SLC41A2: variants seen among roughly 807,000 people sequenced by gnomAD.
SLC41A2 encodes SLC41A1-like 1.
A neutral mutation model predicts 58.3 loss-of-function variants in SLC41A2; 32 were observed. The observed-to-expected ratio is 0.55, with a 90% CI of 0.41 to 0.74. SLC41A2 has a LOEUF of 0.74. Among genes scored for constraint, SLC41A2 ranks in the 30% least tolerant of loss-of-function variants. The probability of loss-of-function intolerance (pLI) is 0.00; values close to 1 mark genes in which losing one functional copy is unlikely to be tolerated. For synonymous variants in SLC41A2, 190 were observed against 235.0 expected (o/e 0.81, Z 1.75); for missense variants, 514 against 680.6 (o/e 0.76, Z 2.72).
intron 4 of SLC41A2, among the ~76,000 whole-genome samples, chr12:104,892,311 T>A (rs998538432): frequency 0.019 from 2,193 of 117,868 alleles, 129 homozygotes; most frequent in African/African-American, 0.062. Flanking sequence ...AAAAATAAAA[T>A]AAAATAAAAT....
At chr12:104,953,393 AAAC>A (rs1173893659) in intron 1 of SLC41A2, among the ~76,000 whole-genome samples, 2 of 152,238 alleles carry the variant, frequency 1.3e-5, no homozygotes, top group Non-Finnish European at 2.9e-5. Context: ...AAGTAGGAGA[AAAC>A]AAGATTAAAG....
chr12:104,848,896 CCACACACACACA>C (rs3039361), intron 8 of SLC41A2, among the ~76,000 whole-genome samples: 1 of 147,092 alleles, frequency 6.8e-6, no homozygotes, highest in Admixed American at 6.8e-5. Context: ...AACTTGATAA[CCACACACACACA>C]CACACACACA....
intron 1 of SLC41A2, among the ~76,000 whole-genome samples, chr12:104,940,476 A>G (rs2047464202): frequency 6.6e-6 from 1 of 151,586 alleles, no homozygotes; most frequent in Non-Finnish European, 1.5e-5. Flanking sequence ...GTGCACATGT[A>G]CCCTAAAATT....
chr12:104,944,001 T>C (rs1213370102), intron 1 of SLC41A2, among the ~76,000 whole-genome samples: 2 of 152,086 alleles, frequency 1.3e-5, no homozygotes, highest in African/African-American at 2.4e-5. Context: ...CCCCTCCCTT[T>C]GTATGGGAGC....
At chr12:104,824,372 A>G (rs1397095734) in intron 10 of SLC41A2, among the ~76,000 whole-genome samples, 2 of 152,160 alleles carry the variant, frequency 1.3e-5, no homozygotes, top group African/African-American at 4.8e-5. Context: ...GCATGCAAGC[A>G]GGCCATCCAC....
intron 5 of SLC41A2, 52 bp from the exon 6 acceptor site, chr12:104,886,491 A>G: frequency 1.9e-6 from 3 of 1,570,632 alleles, no homozygotes; most frequent in Non-Finnish European, 8.7e-7. Flanking sequence ...AAGAAAATCA[A>G]TCCCCCAAAT....
At chr12:104,849,862 G>T (rs933115515) in intron 8 of SLC41A2, among the ~76,000 whole-genome samples, 3 of 152,206 alleles carry the variant, frequency 2.0e-5, no homozygotes, top group African/African-American at 7.2e-5. Flanking sequence ...AAATAAAGTT[G>T]TTGATATGCA....
chr12:104,843,455 T>C (rs2042487787), intron 10 of SLC41A2, among the ~76,000 whole-genome samples: 1 of 152,064 alleles, frequency 6.6e-6, no homozygotes, highest in Non-Finnish European at 1.5e-5. Flanking sequence ...TTCCCTTGCA[T>C]TTAAGGCCTT....
At chr12:104,945,185 T>C (rs2047665001) in intron 1 of SLC41A2, among the ~76,000 whole-genome samples, 2 of 140,994 alleles carry the variant, frequency 1.4e-5, no homozygotes, top group African/African-American at 5.3e-5. Flanking sequence ...CAAAAAATAA[T>C]AAAAATAAAA....
At chr12:104,835,702 A>T (rs1460345713) in intron 10 of SLC41A2, among the ~76,000 whole-genome samples, 5 of 152,156 alleles carry the variant, frequency 3.3e-5, no homozygotes, top group Non-Finnish European at 7.4e-5. Flanking sequence ...TTCGGTATGG[A>T]TCCTGTGGAA....
rs370473334 is a variant in SLC41A2 at position 104,852,973 on chromosome 12, CTAAAGA to C, written c.1256-7005_1256-7000del. On this transcript the variant is annotated intron_variant, in intron 8 of 10. Transcript: ENST00000258538. ...CACTATTAAAGCCAGTGGAGAGCAT[CTAAAGA>C]TAGTCTCACACAAATTAAAAACATT... Among the ~76,000 whole-genome samples, 732 of 152,230 alleles carry C rather than the reference CTAAAGA, an allele frequency of 4.8e-3. 9 individuals carry two copies. The highest frequency in any genetic ancestry group is 0.017 in the African/African-American group (691 of 41,542).
Position 104,928,155 on chromosome 12 carries a change from C to A in SLC41A2, c.373G>T (p.Glu125Ter). 6.2e-7 allele frequency: 1 copy of A among 1,614,158 alleles called. No individual in the cohort carries two copies. The highest frequency in any genetic ancestry group is 8.5e-7 in the Non-Finnish European group (1 of 1,180,014). ...YNYCDGRETS[E>*]TTAMLQDEDI... is the part of the protein sequence containing the mutation. ...TCATCTTGTAACATGGCAGTGGTTTCTGAAGTCTCCCTTCCATCACAGTAA... is the reference window on the plus strand; with the variant it reads ...TCATCTTGTAACATGGCAGTGGTTTATGAAGTCTCCCTTCCATCACAGTAA... Residue 125 changes from glutamate to a stop codon, truncating the protein, a stop_gained, in exon 2 of 11, where the codon GAA becomes TAA. Coordinates refer to ENST00000258538, the MANE Select transcript of SLC41A2 (RefSeq NM_001352171.3). LOFTEE classifies it high-confidence loss of function.
chr12:104,820,150 T>G (rs1193917076), intron 10 of SLC41A2, among the ~76,000 whole-genome samples: 2 of 152,182 alleles, frequency 1.3e-5, no homozygotes, highest in Admixed American at 6.5e-5. Flanking sequence ...CACACCTCTA[T>G]GAGACTGGTA....
intron 6 of SLC41A2, among the ~76,000 whole-genome samples, chr12:104,868,684 A>G (rs1231242926): frequency 6.6e-6 from 1 of 152,246 alleles, no homozygotes; most frequent in Non-Finnish European, 1.5e-5. Flanking sequence ...CATAATGGCC[A>G]AAAAGTAGAA....
At chr12:104,943,017 G>C (rs2047570304) in intron 1 of SLC41A2, among the ~76,000 whole-genome samples, 1 of 151,956 alleles carries the variant, frequency 6.6e-6, no homozygotes, top group African/African-American at 2.4e-5. Flanking sequence ...TACTCTCACA[G>C]TTCAATTTTT....
At chr12:104,937,601 C>T (rs1186624739) in intron 1 of SLC41A2, among the ~76,000 whole-genome samples, 1 of 152,172 alleles carries the variant, frequency 6.6e-6, no homozygotes, top group Non-Finnish European at 1.5e-5. Flanking sequence ...CATCTAACAA[C>T]ACATTTCTCA....
chr12:104,914,915 GA>G (rs796926683), intron 2 of SLC41A2, among the ~76,000 whole-genome samples: 19 of 152,336 alleles, frequency 1.2e-4, no homozygotes, highest in African/African-American at 4.3e-4. Flanking sequence ...ACATAATGCA[GA>G]AAATGTCCAG....
At chr12:104,901,654 ATCC>A (rs1349474666) in intron 3 of SLC41A2, among the ~76,000 whole-genome samples, 1 of 152,108 alleles carries the variant, frequency 6.6e-6, no homozygotes, top group East Asian at 1.9e-4. Flanking sequence ...GGCTCAAGCA[ATCC>A]TCCTGCCTCA....
intron 3 of SLC41A2, among the ~76,000 whole-genome samples, chr12:104,900,339 T>A (rs1022484287): frequency 6.6e-6 from 1 of 152,200 alleles, no homozygotes; most frequent in African/African-American, 2.4e-5. Flanking sequence ...GTTACATATT[T>A]TCATGTGCTT....
Sources: gnomAD v4.1 joint callset for allele counts (sites outside exome capture counted in the v4.1 genomes callset) on GRCh38, gnomAD v4.1.1 for gene constraint, MANE v1.5 for transcripts, NCBI Gene and HGNC (gene_info 2026-07-23, HGNC 2026-07-21) for gene names.